Variants in LRRTM4 observed in about 807,000 individuals in gnomAD.
The protein encoded by LRRTM4 is leucine rich repeat transmembrane neuronal 4.
Under a neutral mutation model 47.6 loss-of-function variants are expected in LRRTM4, and 25 were observed. The observed-to-expected ratio is 0.53, with a 90% CI of 0.38 to 0.73. The LOEUF (loss-of-function observed/expected upper bound fraction) is 0.73, where lower values mean the gene tolerates loss of function less well. Ranked by LOEUF, LRRTM4 falls within the 30% of genes least tolerant of loss-of-function variation. The pLI is 0.00. For missense variants in LRRTM4, 638 were observed against 713.4 expected, an observed-to-expected ratio of 0.89 and a Z score of 1.20; for synonymous variants, 311 against 269.5, an observed-to-expected ratio of 1.15 and a Z score of -1.51.
At chr2:76,854,812 CTTT>C (rs66549743) in intron 3 of LRRTM4, among the ~76,000 whole-genome samples, 5 of 143,974 alleles carry the variant, frequency 3.5e-5, no homozygotes, top group Non-Finnish European at 7.6e-5. Flanking sequence ...AAAGAAAATC[CTTT>C]TTTTTTTTTT....
At chr2:76,981,648 A>G (rs1676611976) in intron 3 of LRRTM4, among the ~76,000 whole-genome samples, 1 of 151,938 alleles carries the variant, frequency 6.6e-6, no homozygotes, top group Admixed American at 6.6e-5. Flanking sequence ...GCATGCCACC[A>G]TGCCTAGCTA....
chr2:76,974,199 T>TATATATAC (rs1676329167), intron 3 of LRRTM4, among the ~76,000 whole-genome samples: 9 of 94,808 alleles, frequency 9.5e-5, no homozygotes, highest in East Asian at 1.1e-3. Context: ...TATATATACA[T>TATATATAC]ATATATATAT....
At chr2:77,269,278 C>G (rs1676130011) in intron 3 of LRRTM4, among the ~76,000 whole-genome samples, 1 of 152,054 alleles carries the variant, frequency 6.6e-6, no homozygotes, top group Non-Finnish European at 1.5e-5. Flanking sequence ...ATATCTATTT[C>G]CCTACGTAGA....
intron 3 of LRRTM4, among the ~76,000 whole-genome samples, chr2:76,842,325 G>C (rs1297023482): frequency 6.6e-6 from 1 of 152,110 alleles, no homozygotes; most frequent in African/African-American, 2.4e-5. Flanking sequence ...ACTTCAGTTG[G>C]CAGATGACAG....
intron 3 of LRRTM4, among the ~76,000 whole-genome samples, chr2:77,074,013 T>C (rs6756744): frequency 0.15 from 23,048 of 152,118 alleles, 2,592 homozygotes; most frequent in East Asian, 0.42. Context: ...ACATATTGTG[T>C]ACATTTATAT....
At chr2:76,773,421 A>G (rs1673800402) in intron 3 of LRRTM4, among the ~76,000 whole-genome samples, 1 of 152,186 alleles carries the variant, frequency 6.6e-6, no homozygotes, top group African/African-American at 2.4e-5. Context: ...ATTCAGTACA[A>G]TTCTTCTTTG....
intron 3 of LRRTM4, among the ~76,000 whole-genome samples, chr2:76,890,548 A>G (rs1163244054): frequency 6.6e-6 from 1 of 151,960 alleles, no homozygotes; most frequent in Non-Finnish European, 1.5e-5. Flanking sequence ...GTTTGTGCAC[A>G]TTGAAATTTA....
At chr2:77,140,676 C>G (rs1442124814) in intron 3 of LRRTM4, among the ~76,000 whole-genome samples, 22 of 152,024 alleles carry the variant, frequency 1.4e-4, no homozygotes, top group South Asian at 4.1e-4. Flanking sequence ...ACTACCATCA[C>G]AGTGAACAGG....
At chr2:76,794,877 C>CTGAT (rs72258617) in intron 3 of LRRTM4, among the ~76,000 whole-genome samples, 24,168 of 151,556 alleles carry the variant, frequency 0.16, 2,060 homozygotes, top group African/African-American at 0.2. Context: ...CAACATTTTT[C>CTGAT]TGATTAAGAA....
chr2:77,240,935 C>T (rs943080990), intron 3 of LRRTM4, among the ~76,000 whole-genome samples: 6 of 151,828 alleles, frequency 4.0e-5, no homozygotes, highest in Non-Finnish European at 8.8e-5. Context: ...ATATGGATCA[C>T]GCTTATAGAC....
intron 3 of LRRTM4, among the ~76,000 whole-genome samples, chr2:77,512,388 C>G (rs1679053854): frequency 6.6e-6 from 1 of 151,948 alleles, no homozygotes; most frequent in South Asian, 2.1e-4. Context: ...CCTGTAATTT[C>G]TTTTTCCTTT....
intron 3 of LRRTM4, among the ~76,000 whole-genome samples, chr2:77,014,792 A>G (rs1440124587): frequency 6.6e-6 from 1 of 152,090 alleles, no homozygotes; most frequent in East Asian, 1.9e-4. Context: ...AGCATGGGGG[A>G]CAGAGTGAGA....
chr2:77,299,047 G>T (rs1239303810), intron 3 of LRRTM4, among the ~76,000 whole-genome samples: 1 of 151,898 alleles, frequency 6.6e-6, no homozygotes, highest in Non-Finnish European at 1.5e-5. Context: ...TTTACATAAC[G>T]TATAAAAATG....
At chr2:76,811,558 C>G (rs757511733) in intron 3 of LRRTM4, among the ~76,000 whole-genome samples, 8 of 152,146 alleles carry the variant, frequency 5.3e-5, no homozygotes, top group Admixed American at 2.6e-4. Context: ...TTCCCTTTGG[C>G]TCTCATTTCA....
intron 3 of LRRTM4, among the ~76,000 whole-genome samples, chr2:76,765,830 G>T (rs1168607916): frequency 1.3e-5 from 2 of 152,190 alleles, no homozygotes; most frequent in African/African-American, 4.8e-5. Context: ...GCCTGGTAAG[G>T]CTTTGTATGA....
chr2:77,203,408 G>A (rs1237946712), intron 3 of LRRTM4, among the ~76,000 whole-genome samples: 2 of 152,104 alleles, frequency 1.3e-5, no homozygotes, highest in Admixed American at 1.3e-4. Context: ...TTTCGGAAGA[G>A]CAGCACATAC....
At chr2:76,937,022 C>T (rs1674977313) in intron 3 of LRRTM4, among the ~76,000 whole-genome samples, 1 of 130,972 alleles carries the variant, frequency 7.6e-6, no homozygotes, top group Admixed American at 7.9e-5. Flanking sequence ...ATCATCTTAT[C>T]AGTAGATTCA....
At chr2:77,062,931 G>A (rs1558557666) in intron 3 of LRRTM4, among the ~76,000 whole-genome samples, 1 of 147,784 alleles carries the variant, frequency 6.8e-6, no homozygotes, top group East Asian at 2.0e-4. Context: ...AGTTCCTCTT[G>A]TTCTTTTTTA....
intron 3 of LRRTM4, among the ~76,000 whole-genome samples, chr2:77,449,949 T>C (rs1461003741): frequency 1.3e-5 from 2 of 152,216 alleles, no homozygotes; most frequent in East Asian, 3.9e-4. Context: ...TGATACAGTA[T>C]ACTAAATACT....
Sources: allele counts gnomAD v4.1 joint callset (sites outside exome capture counted in the v4.1 genomes callset), GRCh38; gene constraint gnomAD v4.1.1; transcripts MANE v1.5; gene names NCBI Gene and HGNC (gene_info 2026-07-23, HGNC 2026-07-21).